CDH4: variants seen among roughly 807,000 people sequenced by gnomAD.
The protein encoded by CDH4 is cadherin-4.
In CDH4, 33 loss-of-function variants were observed where a neutral mutation model predicts 86.0. That is an observed-to-expected ratio of 0.38 (90% CI 0.29 to 0.51). CDH4 has a LOEUF of 0.51. CDH4 is among the 20% of genes least tolerant of loss of function. CDH4 has a pLI of 0.86. For missense variants in CDH4, 1,114 were observed against 1,307.4 expected, an observed-to-expected ratio of 0.85 and a Z score of 2.28; for synonymous variants, 555 against 549.4, an observed-to-expected ratio of 1.01 and a Z score of -0.14.
intron 2 of CDH4, among the ~76,000 whole-genome samples, chr20:61,546,021 TACG>T: frequency 6.6e-5 from 1 of 15,162 alleles, no homozygotes; most frequent in African/African-American, 2.6e-4. Context: ...GTATGTGGGA[TACG>T]GTGTGTGTTC....
In CDH4 at chr20:61,591,212, G is replaced by C. The variant is rs2086517303; in HGVS notation, c.170-152351G>C. 2.6e-5 allele frequency among the ~76,000 whole-genome samples: 4 copies of C among 152,272 alleles called. No individual in the cohort carries two copies. The South Asian group carries it at 8.3e-4, about 32-fold the overall frequency. On this transcript the variant is annotated intron_variant, in intron 2 of 15. Coordinates refer to ENST00000614565, the MANE Select transcript of CDH4 (RefSeq NM_001794.5). ...GGATCTATTGATTGACAAGTACCGG[G>C]GCCAAACCTGTTGATAATTACCATA...
intron 2 of CDH4, among the ~76,000 whole-genome samples, chr20:61,300,745 C>T (rs1202206239): frequency 6.6e-6 from 1 of 152,212 alleles, no homozygotes; most frequent in Non-Finnish European, 1.5e-5. Flanking sequence ...CATGGGTCCC[C>T]TGTCAGGGGC....
At chr20:61,497,452 T>G (rs2085670731) in intron 2 of CDH4, among the ~76,000 whole-genome samples, 1 of 152,208 alleles carries the variant, frequency 6.6e-6, no homozygotes, top group South Asian at 2.1e-4. Flanking sequence ...TTTGGGGTTT[T>G]TTGTTGTTGT....
At chr20:61,612,859 C>A (rs527733780) in intron 2 of CDH4, among the ~76,000 whole-genome samples, 6 of 152,250 alleles carry the variant, frequency 3.9e-5, no homozygotes, top group African/African-American at 1.2e-4. Context: ...CCTCTGCATT[C>A]TCCTCATTGG....
chr20:61,648,599 G>A (rs2087090173), intron 2 of CDH4, among the ~76,000 whole-genome samples: 1 of 152,192 alleles, frequency 6.6e-6, no homozygotes. Context: ...TTCCCATGTT[G>A]GAGAGTCTCT....
intron 2 of CDH4, among the ~76,000 whole-genome samples, chr20:61,618,924 A>G (rs531696723): frequency 5.9e-5 from 9 of 152,214 alleles, no homozygotes; most frequent in Admixed American, 5.9e-4. Context: ...CTGGCTTACA[A>G]CGCTGCACCC....
chr20:61,554,802 A>G (rs1483526527), intron 2 of CDH4, among the ~76,000 whole-genome samples: 8 of 152,252 alleles, frequency 5.3e-5, no homozygotes, highest in East Asian at 1.9e-4. Flanking sequence ...ACACGTGCAC[A>G]TGTATGCACA....
intron 2 of CDH4, among the ~76,000 whole-genome samples, chr20:61,261,577 C>G (rs1440095555): frequency 6.6e-6 from 1 of 152,164 alleles, no homozygotes; most frequent in Admixed American, 6.5e-5. Context: ...TCGGTGAGTT[C>G]TGGAGATTGG....
chr20:61,398,640 C>A (rs2085032348), intron 2 of CDH4, among the ~76,000 whole-genome samples: 1 of 149,124 alleles, frequency 6.7e-6, no homozygotes, highest in Non-Finnish European at 1.5e-5. Context: ...GCACCCACAC[C>A]ATGGAGTTTC....
intron 2 of CDH4, among the ~76,000 whole-genome samples, chr20:61,262,962 A>G: frequency 9.8e-6 from 1 of 102,162 alleles, no homozygotes; most frequent in Admixed American, 1.1e-4. Flanking sequence ...CTAATCATGA[A>G]CTGAGAGAGA....
At chr20:61,906,639 A>T (rs6061380) in intron 8 of CDH4, among the ~76,000 whole-genome samples, 24 of 151,870 alleles carry the variant, frequency 1.6e-4, no homozygotes, top group Admixed American at 2.0e-4. Flanking sequence ...GTCAGAGCCC[A>T]GCAGTGTGTG....
rs945879070 is a variant in CDH4 at position 61,319,679 on chromosome 20, C to T, written c.169+64742C>T. ...AATAAGTTCTGGCTGGGCACAGTGG[C>T]GCATGCCTGTAATCCCAGCACTTTG... is the stretch of plus-strand genomic sequence containing the variant. On this transcript the variant is annotated intron_variant, in intron 2 of 15. Transcript: ENST00000614565. Among the ~76,000 whole-genome samples, 13 of 151,834 alleles carry T rather than the reference C, an allele frequency of 8.6e-5. 1 individual carries two copies. Among genetic ancestry groups the T allele is most frequent in the South Asian group, 2.1e-4 (1 of 4,820 alleles).
chr20:61,383,785 GAAGATATATATGCA>G (rs2084934502), intron 2 of CDH4, among the ~76,000 whole-genome samples: 26 of 57,648 alleles, frequency 4.5e-4, no homozygotes, highest in Admixed American at 1.0e-3. Context: ...GCATATATAT[GAAGATATATATGCA>G]TATATATGAA....
chr20:61,333,920 G>T (rs1388703704), intron 2 of CDH4, among the ~76,000 whole-genome samples: 1 of 152,228 alleles, frequency 6.6e-6, no homozygotes, highest in Non-Finnish European at 1.5e-5. Context: ...GCACCATGAG[G>T]TGACTGGGTG....
At chr20:61,773,753 C>A (rs1380533751) in intron 4 of CDH4, among the ~76,000 whole-genome samples, 1 of 152,162 alleles carries the variant, frequency 6.6e-6, no homozygotes, top group African/African-American at 2.4e-5. Context: ...ATCTGAGCAA[C>A]AATTTGATAA....
chr20:61,768,728 G>A (rs1222010654), intron 3 of CDH4, among the ~76,000 whole-genome samples: 10 of 152,158 alleles, frequency 6.6e-5, no homozygotes, highest in Non-Finnish European at 1.5e-4. Flanking sequence ...GGAAGCGGGC[G>A]CATCTTCCAG....
At chr20:61,570,562 CT>C (rs111228520) in intron 2 of CDH4, 29,205 of 662,736 alleles carry the variant, frequency 0.044, 1,687 homozygotes, top group African/African-American at 0.21. Flanking sequence ...CAAGCGTTGA[CT>C]TTTGTGGCTT....
At chr20:61,380,523 A>ATC (rs141105277) in intron 2 of CDH4, among the ~76,000 whole-genome samples, 1 of 148,848 alleles carries the variant, frequency 6.7e-6, no homozygotes, top group African/African-American at 2.5e-5. Context: ...CCATCCTACA[A>ATC]ACCCCCCTGC....
At chr20:61,563,597 G>A (rs2086239328) in intron 2 of CDH4, among the ~76,000 whole-genome samples, 1 of 152,218 alleles carries the variant, frequency 6.6e-6, no homozygotes. Context: ...TACCCGTGGA[G>A]TCCAGCAACT....
Sources: allele counts gnomAD v4.1 joint callset (sites outside exome capture counted in the v4.1 genomes callset), GRCh38; gene constraint gnomAD v4.1.1; transcripts MANE v1.5; gene names NCBI Gene and HGNC (gene_info 2026-07-23, HGNC 2026-07-21).